CDH2: variants seen among roughly 807,000 people sequenced by gnomAD.
CDH2 encodes cadherin-2.
In CDH2, 17 loss-of-function variants were observed where a neutral mutation model predicts 92.0. The ratio of observed to expected loss-of-function variants is 0.18; its 90% CI spans 0.13 to 0.28. The LOEUF (loss-of-function observed/expected upper bound fraction) is 0.28. Ranked by LOEUF, CDH2 falls within the 10% of genes least tolerant of loss-of-function variation. CDH2 has a pLI of 1.00. For missense variants in CDH2, 862 were observed against 1,133.1 expected, an observed-to-expected ratio of 0.76 and a Z score of 3.44; for synonymous variants, 419 against 415.9, an observed-to-expected ratio of 1.01 and a Z score of -0.09.
intron 1 of CDH2, among the ~76,000 whole-genome samples, chr18:28,171,396 A>T (rs1047726864): frequency 1.3e-5 from 2 of 152,008 alleles, no homozygotes; most frequent in Non-Finnish European, 2.9e-5. Flanking sequence ...AATAAAAAAA[A>T]TTTTCTCAGT....
At chr18:28,108,133 A>C (rs192646743) in intron 2 of CDH2, among the ~76,000 whole-genome samples, 1 of 152,268 alleles carries the variant, frequency 6.6e-6, no homozygotes. Flanking sequence ...TTCAAGAAGT[A>C]AAAACTACCC....
chr18:28,150,325 G>A (rs1427364849), intron 1 of CDH2, among the ~76,000 whole-genome samples: 2 of 152,160 alleles, frequency 1.3e-5, no homozygotes, highest in Non-Finnish European at 2.9e-5. Flanking sequence ...TAGAGTATGC[G>A]GGTTTGTGGG....
intron 2 of CDH2, among the ~76,000 whole-genome samples, chr18:28,125,968 T>G (rs1436647037): frequency 1.3e-5 from 2 of 152,164 alleles, no homozygotes; most frequent in African/African-American, 4.8e-5. Context: ...TTACCTCAAG[T>G]ATAGTATTTT....
chr18:28,104,977 G>A (rs1402676002), intron 2 of CDH2, among the ~76,000 whole-genome samples: 1 of 151,570 alleles, frequency 6.6e-6, no homozygotes, highest in Non-Finnish European at 1.5e-5. Flanking sequence ...TTTTTTTTTA[G>A]AAATGTTATA....
chr18:27,993,340 CT>C, intron 8 of CDH2, among the ~76,000 whole-genome samples, 159 bp downstream of exon 8: 1 of 152,310 alleles, frequency 6.6e-6, no homozygotes, highest in Non-Finnish European at 1.5e-5. Flanking sequence ...ACTTGGATGC[CT>C]CACGTAAGGC....
intron 2 of CDH2, among the ~76,000 whole-genome samples, chr18:28,093,194 T>C (rs1479539473): frequency 2.0e-5 from 3 of 152,176 alleles, no homozygotes; most frequent in South Asian, 4.1e-4. Context: ...AAAAATCATA[T>C]ATAGCTATAC....
chr18:27,995,067 C>T (rs949908621), intron 7 of CDH2, among the ~76,000 whole-genome samples: 31 of 152,152 alleles, frequency 2.0e-4, no homozygotes, highest in African/African-American at 7.2e-4. Context: ...AATCTCAGCA[C>T]TTTGGGAGGT....
rs1248989368 is a variant in CDH2, at chr18:28,030,436, G to A, written c.173-16527C>T. Among the ~76,000 whole-genome samples the A allele has an allele frequency of 2.0e-5, 3 of 152,020 alleles. 1 individual carries two copies. The highest frequency in any genetic ancestry group is 2.0e-4 in the Admixed American group (3 of 15,224). ...TGGCATGGCACAATAGGTCCACACT[G>A]CAGAACTATCACCTTGTTCAAATAC... is the stretch of plus-strand genomic sequence containing the variant. On this transcript the variant is annotated intron_variant, in intron 2 of 15. Coordinates refer to ENST00000269141, the MANE Select transcript of CDH2 (RefSeq NM_001792.5).
At chr18:27,964,760 CAAGT>C (rs1362823709) in intron 14 of CDH2, among the ~76,000 whole-genome samples, 1 of 152,130 alleles carries the variant, frequency 6.6e-6, no homozygotes, top group Non-Finnish European at 1.5e-5. Flanking sequence ...TCAAATAACC[CAAGT>C]AAGTCGCATA....
At chr18:28,054,224 T>A (rs1320022102) in intron 2 of CDH2, among the ~76,000 whole-genome samples, 1 of 152,136 alleles carries the variant, frequency 6.6e-6, no homozygotes, top group Non-Finnish European at 1.5e-5. Flanking sequence ...GCCAATTTCA[T>A]GCATAAGAAC....
intron 2 of CDH2, among the ~76,000 whole-genome samples, chr18:28,120,703 T>C (rs1183762048): frequency 6.6e-6 from 1 of 152,062 alleles, no homozygotes; most frequent in East Asian, 1.9e-4. Flanking sequence ...AGAAAACCTA[T>C]GGAACTTCAT....
At chr18:27,970,530 G>T (rs2011630925) in intron 14 of CDH2, among the ~76,000 whole-genome samples, 1 of 152,148 alleles carries the variant, frequency 6.6e-6, no homozygotes, top group African/African-American at 2.4e-5. Flanking sequence ...TAGGATAAAT[G>T]TACACATAAA....
At position 28,044,070 on chromosome 18, in the gene CDH2, G is replaced by A. The variant is rs1006360941; in HGVS notation, c.173-30161C>T. On this transcript the variant is annotated intron_variant, in intron 2 of 15. Transcript: ENST00000269141. Reference sequence around the variant, plus strand: ...TGGGATTACAGGCACCTGCCACCACGCCCAGCTGATTTTTATATTTTTAGT... The same window carrying A: ...TGGGATTACAGGCACCTGCCACCACACCCAGCTGATTTTTATATTTTTAGT... Among the ~76,000 whole-genome samples the A allele has an allele frequency of 1.8e-4, 28 of 151,800 alleles. No individual in the cohort carries two copies. In the East Asian group the frequency reaches 2.5e-3, roughly 14 times the overall value.
chr18:28,158,474 T>C (rs2016255555), intron 1 of CDH2, among the ~76,000 whole-genome samples: 2 of 152,224 alleles, frequency 1.3e-5, no homozygotes, highest in Non-Finnish European at 2.9e-5. Flanking sequence ...GGCATCTGGA[T>C]AGTTTCACAG....
intron 14 of CDH2, among the ~76,000 whole-genome samples, chr18:27,972,858 T>C (rs901917793): frequency 2.6e-5 from 4 of 152,314 alleles, no homozygotes; most frequent in African/African-American, 9.6e-5. Flanking sequence ...AGACTGGGAA[T>C]GCTGTGGGGG....
chr18:28,137,435 A>C (rs2144308283), intron 2 of CDH2, among the ~76,000 whole-genome samples: 1 of 152,320 alleles, frequency 6.6e-6, no homozygotes, highest in East Asian at 1.9e-4. Context: ...ATAATAGATC[A>C]AGCTGTTGGT....
chr18:28,120,704 G>A (rs544638338), intron 2 of CDH2, among the ~76,000 whole-genome samples: 13 of 152,080 alleles, frequency 8.5e-5, no homozygotes, highest in African/African-American at 3.1e-4. Flanking sequence ...GAAAACCTAT[G>A]GAACTTCATC....
At chr18:28,085,974 T>C (rs757740448) in intron 2 of CDH2, among the ~76,000 whole-genome samples, 1 of 152,144 alleles carries the variant, frequency 6.6e-6, no homozygotes, top group African/African-American at 2.4e-5. Flanking sequence ...AATAAAAATA[T>C]TATCCATCTG....
At chr18:28,016,394 C>T (rs1348367968) in intron 2 of CDH2, among the ~76,000 whole-genome samples, 3 of 152,102 alleles carry the variant, frequency 2.0e-5, no homozygotes, top group Admixed American at 1.3e-4. Context: ...AGATGGGAAC[C>T]TTAGAAGTAC....
Sources: allele counts gnomAD v4.1 joint callset (sites outside exome capture counted in the v4.1 genomes callset), GRCh38; gene constraint gnomAD v4.1.1; transcripts MANE v1.5; gene names NCBI Gene and HGNC (gene_info 2026-07-23, HGNC 2026-07-21).